The following EPB41L3 variants were observed in gnomAD, a reference collection of about 807,000 sequenced individuals.
EPB41L3 encodes erythrocyte membrane protein band 4.1 like 3, also known as band 4.1-like protein 3.
Under a neutral mutation model 127.1 loss-of-function variants are expected in EPB41L3, and 57 were observed. The ratio of observed to expected loss-of-function variants is 0.45; its 90% CI spans 0.36 to 0.56. The LOEUF is 0.56. Ranked by LOEUF, EPB41L3 falls within the 20% of genes least tolerant of loss-of-function variation. The pLI is 0.00. For missense variants in EPB41L3, 1,273 were observed against 1,372.2 expected, an observed-to-expected ratio of 0.93 and a Z score of 1.14; for synonymous variants, 572 against 549.5, an observed-to-expected ratio of 1.04 and a Z score of -0.57.
intron 11 of EPB41L3, 170 bp from the exon 12 acceptor site, chr18:5,420,047 T>C: frequency 7.0e-7 from 1 of 1,423,508 alleles, no homozygotes; most frequent in South Asian, 1.5e-5. Context: ...AATACCAGGT[T>C]TGCCTTGAAA....
chr18:5,592,564 G>A (rs927892499), intron 3 of EPB41L3, among the ~76,000 whole-genome samples: 9 of 152,250 alleles, frequency 5.9e-5, no homozygotes, highest in African/African-American at 2.2e-4. Context: ...TTCCTTTGCA[G>A]TCTTGTAGCA....
Position 5,543,886 on chromosome 18 carries a change from C to A in EPB41L3, c.-12+27G>T, listed in dbSNP as rs1410279040. 3 of 985,482 alleles carry A rather than the reference C, an allele frequency of 3.0e-6. No individual in the cohort carries two copies. The highest frequency in any genetic ancestry group is 6.2e-5 in the Admixed American group (1 of 16,252). The allele number at this position is 985,482 out of a possible 1,614,324, so 61.0% of individuals were successfully genotyped here. On this transcript the variant is annotated intron_variant, in intron 1 of 22. Transcript: ENST00000341928. This position sits in a 1 kb window ranked among gnomAD's most constrained non-coding sequence, Gnocchi z 5.2. The stretch of plus-strand genomic sequence containing the variant: ...GTAAAGCCGAGACCCCCTCGCAGTC[C>A]CCCACTCCGAGAGGCGGAAAAGTTA...
chr18:5,604,324 A>G (rs959657068), intron 3 of EPB41L3, among the ~76,000 whole-genome samples: 4 of 151,984 alleles, frequency 2.6e-5, no homozygotes, highest in African/African-American at 9.7e-5. Flanking sequence ...GTAAATGTTT[A>G]CAGAATAAGT....
rs563662904 is a variant in EPB41L3, at chr18:5,499,829, G to GTGTATATATATATA, written c.-11-10636_-11-10635insTATATATATATACA. The stretch of plus-strand genomic sequence containing the variant: ...CCTACTACATACTTACTATGTGTGT[G>GTGTATATATATATA]TATATATATATATATATATGGCATT... On this transcript the variant is annotated intron_variant, in intron 1 of 22. Transcript: ENST00000341928. Among the ~76,000 whole-genome samples the GTGTATATATATATA allele has an allele frequency of 9.5e-4, 119 of 124,650 alleles. 4 individuals are homozygous for GTGTATATATATATA. The highest frequency in any genetic ancestry group is 3.5e-3 in the African/African-American group (112 of 32,198). The allele number at this position is 124,650 out of a possible 152,430, so 81.8% of individuals were successfully genotyped here. A position where few individuals can be genotyped will look rare whatever the true frequency, so the allele number is the denominator to read the frequency against.
chr18:5,478,757 T>C (rs1422531875), intron 2 of EPB41L3, among the ~76,000 whole-genome samples: 3 of 152,206 alleles, frequency 2.0e-5, no homozygotes, highest in African/African-American at 4.8e-5. Flanking sequence ...TTGGATAGTA[T>C]AGGCCTCTAA....
chr18:5,606,882 T>TTCTCTCTCTCTC (rs59299599), intron 3 of EPB41L3, among the ~76,000 whole-genome samples: 2 of 141,540 alleles, frequency 1.4e-5, no homozygotes, highest in African/African-American at 5.2e-5. Context: ...CATGGCGTCA[T>TTCTCTCTCTCTC]TCTCTCTCTC....
intron 16 of EPB41L3, chr18:5,399,609 T>C (rs961610806): frequency 2.7e-5 from 10 of 372,766 alleles, no homozygotes; most frequent in African/African-American, 2.1e-4. Context: ...AGTTGCAACT[T>C]CTTTAAACTG....
intron 12 of EPB41L3, among the ~76,000 whole-genome samples, chr18:5,417,446 G>A (rs1598673263): frequency 6.6e-6 from 1 of 152,148 alleles, no homozygotes. Context: ...AAGCACGCAA[G>A]CCCCAAGCAG....
intron 3 of EPB41L3, among the ~76,000 whole-genome samples, chr18:5,468,529 A>G (rs773026887): frequency 5.9e-5 from 9 of 152,240 alleles, no homozygotes; most frequent in Non-Finnish European, 1.2e-4. Context: ...GCTAGGGGAC[A>G]GGAGCTGCCC....
rs2090250781 is a variant in EPB41L3, at chr18:5,489,005, C to G, written c.179G>C (p.Arg60Thr). The change falls in exon 2 of 23, where the codon AGG (arginine) becomes ACG (threonine). Residue 60 changes from arginine to threonine, a missense_variant. This residue lies in a region of EPB41L3 where 182 missense variants were observed against 149.2 expected (regional missense o/e 1.22). Coordinates refer to ENST00000341928, the MANE Select transcript of EPB41L3 (RefSeq NM_012307.5). ...AGTTTTCTGGCCTGGGCTCACCTCC[C>G]TCCGCACCGGGGTGCTGTGCGCTGC... ...AAAAHSTPVR[R>T]EVTDKEQEFA... 6.3e-7 allele frequency: 1 copy of G among 1,581,356 alleles called. No individual in the cohort carries two copies. The highest frequency in any genetic ancestry group is 2.3e-5 in the East Asian group (1 of 42,846).
chr18:5,530,824 G>C (rs2093387878), intron 1 of EPB41L3, among the ~76,000 whole-genome samples: 1 of 152,164 alleles, frequency 6.6e-6, no homozygotes. Context: ...CCCCATCACA[G>C]CACTTGGGAG....
At chr18:5,407,800 A>G (rs1241534790) in intron 14 of EPB41L3, 64 bp from the exon 15 acceptor site, 1 of 1,487,616 alleles carries the variant, frequency 6.7e-7, no homozygotes, top group East Asian at 2.3e-5. Context: ...AGATTGAAGA[A>G]CTATGGTCTA....
intron 3 of EPB41L3, among the ~76,000 whole-genome samples, chr18:5,464,342 C>A (rs183152657): frequency 1.1e-3 from 162 of 152,290 alleles, no homozygotes; most frequent in African/African-American, 3.9e-3. Flanking sequence ...TGAACCACCA[C>A]TGAGGAATCT....
In EPB41L3 at chr18:5,445,171, C is replaced by T. The variant is rs1349843200; in HGVS notation, c.455G>A (p.Gly152Glu). The change falls in exon 4 of 23, where the codon GGG becomes GAG. Residue 152 changes from glycine to glutamate, a missense_variant. Physicochemically the swap from Gly to Glu is moderately conservative, Grantham distance 98. Transcript: ENST00000341928. ...GTTTTCAGCATCTCGATACGTAAGCCCAAAGTAGTCTTTCTCTAGCAAGTT... is the reference window on the plus strand; with the variant it reads ...GTTTTCAGCATCTCGATACGTAAGCTCAAAGTAGTCTTTCTCTAGCAAGTT... Reference protein sequence around the residue: ...HLNLLEKDYFGLTYRDAENQK... With the variant: ...HLNLLEKDYFELTYRDAENQK... The T allele has an allele frequency of 6.2e-7, 1 of 1,613,938 alleles. No individual in the cohort carries two copies.
intron 1 of EPB41L3, among the ~76,000 whole-genome samples, chr18:5,505,344 G>T (rs2092063166): frequency 6.6e-6 from 1 of 152,008 alleles, no homozygotes; most frequent in Non-Finnish European, 1.5e-5. Flanking sequence ...GCACCACATG[G>T]TCCTTCAGCA....
At chr18:5,494,523 G>A (rs879539795) in intron 1 of EPB41L3, among the ~76,000 whole-genome samples, 7 of 152,000 alleles carry the variant, frequency 4.6e-5, no homozygotes, top group Non-Finnish European at 1.0e-4. Context: ...CTGTGTATGC[G>A]GTGGGCACCT....
At chr18:5,548,328 C>T (rs936640290), upstream of EPB41L3, among the ~76,000 whole-genome samples, 4 of 152,198 alleles carry the variant, frequency 2.6e-5, no homozygotes, top group Non-Finnish European at 5.9e-5. Flanking sequence ...TCCAGATGCT[C>T]TCTTCATATT....
At chr18:5,495,513 C>A (rs1311743018) in intron 1 of EPB41L3, among the ~76,000 whole-genome samples, 1 of 151,936 alleles carries the variant, frequency 6.6e-6, no homozygotes, top group African/African-American at 2.4e-5. Flanking sequence ...AGCACCATGC[C>A]CAGGGTGTTG....
At chr18:5,558,273 A>G (rs901597670) in intron 3 of EPB41L3, among the ~76,000 whole-genome samples, 1 of 152,224 alleles carries the variant, frequency 6.6e-6, no homozygotes, top group Non-Finnish European at 1.5e-5. Flanking sequence ...TCATCATTTA[A>G]TGGTTGAGTT....
Sources: allele counts gnomAD v4.1 joint callset (sites outside exome capture counted in the v4.1 genomes callset), GRCh38; gene constraint gnomAD v4.1.1; regional missense constraint gnomAD v4.1.1; non-coding constraint Gnocchi (gnomAD v3.1); transcripts MANE v1.5; gene names NCBI Gene and HGNC (gene_info 2026-07-23, HGNC 2026-07-21).